Variants in GPATCH2 observed in about 807,000 individuals in gnomAD.
GPATCH2 encodes the protein G patch domain-containing protein 2.
GPATCH2 carries 51 observed loss-of-function variants against 58.0 expected under a neutral mutation model. That is an observed-to-expected ratio of 0.88 (90% CI 0.70 to 1.11). GPATCH2 has a LOEUF of 1.11. Among genes scored for constraint, GPATCH2 ranks in the 50% most tolerant of loss-of-function variants. GPATCH2 has a pLI of 0.00. For missense variants in GPATCH2, 625 were observed against 652.2 expected, an observed-to-expected ratio of 0.96 and a Z score of 0.45; for synonymous variants, 222 against 218.5, an observed-to-expected ratio of 1.02 and a Z score of -0.14.
intron 8 of GPATCH2, among the ~76,000 whole-genome samples, chr1:217,454,607 A>AC (rs1659851689): frequency 6.6e-6 from 1 of 150,642 alleles, no homozygotes; most frequent in Admixed American, 6.6e-5. Context: ...AAAAAAAAAA[A>AC]AAACCTTTCC....
At chr1:217,489,958 G>A (rs1225917683) in intron 8 of GPATCH2, among the ~76,000 whole-genome samples, 3 of 152,186 alleles carry the variant, frequency 2.0e-5, no homozygotes, top group Non-Finnish European at 4.4e-5. Flanking sequence ...CTTTATAGAA[G>A]CAATGATTAT....
chr1:217,480,853 G>A (rs562329985), intron 8 of GPATCH2, among the ~76,000 whole-genome samples: 1 of 152,284 alleles, frequency 6.6e-6, no homozygotes, highest in South Asian at 2.1e-4. Context: ...TGGAACTGGA[G>A]TTGATTATGC....
At chr1:217,448,374 T>C (rs1659491145) in intron 9 of GPATCH2, among the ~76,000 whole-genome samples, 1 of 152,184 alleles carries the variant, frequency 6.6e-6, no homozygotes, top group Non-Finnish European at 1.5e-5. Context: ...TCTTTGTATC[T>C]ACACTGAAAA....
chr1:217,438,941 T>G (rs1658991114), intron 9 of GPATCH2, among the ~76,000 whole-genome samples: 1 of 152,182 alleles, frequency 6.6e-6, no homozygotes, highest in African/African-American at 2.4e-5. Context: ...AACACTCTGC[T>G]GCCAATATTA....
At chr1:217,614,841 C>T (rs898174500) in intron 2 of GPATCH2, among the ~76,000 whole-genome samples, 9 of 150,488 alleles carry the variant, frequency 6.0e-5, no homozygotes, top group African/African-American at 2.2e-4. Context: ...CCCACAGAAG[C>T]TCCAGAGTCA....
chr1:217,567,045 G>GTTTTTT lies in GPATCH2; in HGVS notation c.1098+43275_1098+43276insAAAAAA, dbSNP rs549350813. On this transcript the variant is annotated intron_variant, in intron 5 of 9. Coordinates refer to ENST00000366935, the MANE Select transcript of GPATCH2 (RefSeq NM_018040.5). ...CATCACTCAGCAAATATAACTTCTG[G>GTTTTTT]CTTTTTTTTTTTTTTTTTGAGACGG... 3.6e-5 allele frequency among the ~76,000 whole-genome samples: 5 copies of GTTTTTT among 140,764 alleles called. 2 individuals are homozygous for GTTTTTT. The allele number at this position is 140,764 out of a possible 152,430, so 92.3% of individuals were successfully genotyped here.
intron 9 of GPATCH2, among the ~76,000 whole-genome samples, chr1:217,437,525 G>T (rs561858888): frequency 1.8e-4 from 28 of 152,310 alleles, no homozygotes; most frequent in African/African-American, 6.5e-4. Flanking sequence ...AAGCCGACCT[G>T]GGATGCTTTG....
chr1:217,604,051 A>T (rs559920794), intron 5 of GPATCH2, among the ~76,000 whole-genome samples: 8 of 152,140 alleles, frequency 5.3e-5, no homozygotes, highest in African/African-American at 7.2e-5. Flanking sequence ...TAAGTTATTT[A>T]AAAAAGTGTC....
chr1:217,503,240 A>G (rs758851336), intron 6 of GPATCH2, among the ~76,000 whole-genome samples: 1 of 152,112 alleles, frequency 6.6e-6, no homozygotes, highest in Non-Finnish European at 1.5e-5. Flanking sequence ...AGAAAACACA[A>G]CTGGAGGGGC....
rs146403666 is a variant in GPATCH2 at position 217,535,537 on chromosome 1, G to C, written c.1099-20648C>G. Reference sequence around the variant, plus strand: ...GCTAATTTGTTTTATATTTTTAGTAGAGACGGGGTTTCACTGTGTTAGCCA... The same window carrying C: ...GCTAATTTGTTTTATATTTTTAGTACAGACGGGGTTTCACTGTGTTAGCCA... On this transcript the variant is annotated intron_variant, in intron 5 of 9. Coordinates refer to ENST00000366935, the MANE Select transcript of GPATCH2 (RefSeq NM_018040.5). Among the ~76,000 whole-genome samples, 366 of 152,240 alleles carry C rather than the reference G, an allele frequency of 2.4e-3. 2 individuals are homozygous for C. Among genetic ancestry groups the C allele is most frequent in the African/African-American group, 7.7e-3 (318 of 41,524 alleles).
At chr1:217,524,409 C>A (rs1376605753) in intron 5 of GPATCH2, among the ~76,000 whole-genome samples, 2 of 150,192 alleles carry the variant, frequency 1.3e-5, no homozygotes, top group Non-Finnish European at 3.0e-5. Flanking sequence ...TCCTCACATC[C>A]CAGACGATGG....
intron 8 of GPATCH2, among the ~76,000 whole-genome samples, chr1:217,464,090 C>T (rs1660329659): frequency 6.6e-6 from 1 of 152,082 alleles, no homozygotes; most frequent in Admixed American, 6.5e-5. Flanking sequence ...TTTATTTACT[C>T]ACTTAAAAAT....
At chr1:217,440,854 G>T (rs1659102159) in intron 9 of GPATCH2, among the ~76,000 whole-genome samples, 1 of 152,072 alleles carries the variant, frequency 6.6e-6, no homozygotes, top group Non-Finnish European at 1.5e-5. Context: ...AAGGAAATAA[G>T]AGAGGACACA....
At chr1:217,509,900 G>C (rs1178593331) in intron 6 of GPATCH2, among the ~76,000 whole-genome samples, 1 of 151,972 alleles carries the variant, frequency 6.6e-6, no homozygotes, top group Non-Finnish European at 1.5e-5. Flanking sequence ...AAAACTTAAA[G>C]GAAAAAATAA....
At chr1:217,453,786 TA>T (rs1413516012) in intron 8 of GPATCH2, among the ~76,000 whole-genome samples, 1 of 152,064 alleles carries the variant, frequency 6.6e-6, no homozygotes, top group African/African-American at 2.4e-5. Flanking sequence ...TCAGACGCAA[TA>T]ATAGTAAAGA....
intron 5 of GPATCH2, among the ~76,000 whole-genome samples, chr1:217,571,703 C>CAAAAAAAAAAAAAAAAACAAAAAA (rs1666551945): frequency 2.7e-5 from 2 of 73,808 alleles, no homozygotes; most frequent in African/African-American, 5.3e-5. Flanking sequence ...AAAACGAAAC[C>CAAAAAAAAAAAAAAAAACAAAAAA]AAAAAAAAAA....
intron 8 of GPATCH2, among the ~76,000 whole-genome samples, chr1:217,457,044 C>G (rs116803110): frequency 0.01 from 1,534 of 152,204 alleles, 11 homozygotes; most frequent in Middle Eastern, 0.048. Context: ...ATGAAAGATA[C>G]AAATTATAAC....
At chr1:217,611,093 C>T in intron 3 of GPATCH2, 22 bp from the exon 4 acceptor site, 1 of 1,589,656 alleles carries the variant, frequency 6.3e-7, no homozygotes, top group Non-Finnish European at 8.6e-7. Flanking sequence ...CAAGAAACCC[C>T]CCCCCACCAA....
chr1:217,597,587 A>G lies in GPATCH2; in HGVS notation c.1098+12734T>C, dbSNP rs113815573. Among the ~76,000 whole-genome samples the G allele has an allele frequency of 7.6e-3, 1,156 of 152,250 alleles. 17 individuals carry two copies. Among genetic ancestry groups the G allele is most frequent in the African/African-American group, 0.026 (1,091 of 41,550 alleles). ...CCAGATCCCATTTCTCAGCCCATCC[A>G]GTCATATATTACAACTTCTACCCTA... On this transcript the variant is annotated intron_variant, in intron 5 of 9. Transcript: ENST00000366935.
Sources: gnomAD v4.1 joint callset for allele counts (sites outside exome capture counted in the v4.1 genomes callset) on GRCh38, gnomAD v4.1.1 for gene constraint, MANE v1.5 for transcripts, NCBI Gene and HGNC (gene_info 2026-07-23, HGNC 2026-07-21) for gene names.